ZSWIM6: variants seen among roughly 807,000 people sequenced by gnomAD.
The protein encoded by ZSWIM6 is zinc finger SWIM-type containing 6, also known as zinc finger SWIM domain-containing protein 6.
A neutral mutation model predicts 113.2 loss-of-function variants in ZSWIM6; 9 were observed. That is an observed-to-expected ratio of 0.08 (90% CI 0.05 to 0.14). The LOEUF (loss-of-function observed/expected upper bound fraction) is 0.14, where lower values mean the gene tolerates loss of function less well. ZSWIM6 is among the 10% of genes least tolerant of loss of function. The pLI, the probability that ZSWIM6 is intolerant of heterozygous loss-of-function variation, is 1.00. For missense variants in ZSWIM6, 1,162 were observed against 1,552.2 expected, an observed-to-expected ratio of 0.75 and a Z score of 4.22; for synonymous variants, 611 against 606.5, an observed-to-expected ratio of 1.01 and a Z score of -0.11.
At position 61,375,051 on chromosome 5, in the gene ZSWIM6, A is replaced by G. The variant is rs568330557; in HGVS notation, c.676+42103A>G. On this transcript the variant is annotated intron_variant, in intron 1 of 13. Coordinates refer to ENST00000252744, the MANE Select transcript of ZSWIM6 (RefSeq NM_020928.2). The stretch of plus-strand genomic sequence containing the variant: ...GTGGGACCAAGTCTATAAGATATTA[A>G]AGGGTAAGTCTCTCCGGCCCGGTTT... 3.4e-6 allele frequency: 5 copies of G among 1,461,760 alleles called. No individual in the cohort carries two copies. In the African/African-American group the frequency reaches 5.6e-5, roughly 16 times the overall value. 90.5% of individuals were successfully genotyped at this position (1,461,760 alleles called of 1,614,324 possible). A position where few individuals can be genotyped will look rare whatever the true frequency, so the allele number is the denominator to read the frequency against.
At chr5:61,395,528 A>C (rs891951433) in intron 1 of ZSWIM6, among the ~76,000 whole-genome samples, 1 of 152,240 alleles carries the variant, frequency 6.6e-6, no homozygotes, top group Non-Finnish European at 1.5e-5. Flanking sequence ...GGTTTAATTG[A>C]TTAAATGAGC....
chr5:61,540,552 T>A (rs1352137618), intron 12 of ZSWIM6, among the ~76,000 whole-genome samples: 2 of 152,120 alleles, frequency 1.3e-5, no homozygotes, highest in Non-Finnish European at 2.9e-5. Flanking sequence ...AATAATAGGA[T>A]CACAGGAAAA....
intron 1 of ZSWIM6, among the ~76,000 whole-genome samples, chr5:61,420,699 T>C (rs1157425348): frequency 6.6e-6 from 1 of 152,076 alleles, no homozygotes; most frequent in Non-Finnish European, 1.5e-5. Flanking sequence ...ACATAGTGAG[T>C]ATGTATATTT....
chr5:61,470,224 A>G (rs1747534651), intron 1 of ZSWIM6, among the ~76,000 whole-genome samples: 1 of 152,218 alleles, frequency 6.6e-6, no homozygotes. Flanking sequence ...GAGATGTGAT[A>G]GTGTTAAGTG....
intron 1 of ZSWIM6, among the ~76,000 whole-genome samples, chr5:61,437,424 TA>T (rs1403248151): frequency 2.0e-5 from 3 of 152,050 alleles, no homozygotes; most frequent in African/African-American, 7.2e-5. Flanking sequence ...TTAGACTATG[TA>T]AAAAAACAAA....
chr5:61,538,589 A>C (rs971822626), intron 10 of ZSWIM6, among the ~76,000 whole-genome samples: 1 of 152,242 alleles, frequency 6.6e-6, no homozygotes, highest in Admixed American at 6.5e-5. Context: ...TGAACAACTA[A>C]CAAGGTTTGG....
At chr5:61,503,499 A>T (rs541305758) in intron 4 of ZSWIM6, among the ~76,000 whole-genome samples, 32 of 152,328 alleles carry the variant, frequency 2.1e-4, no homozygotes, top group African/African-American at 7.2e-4. Flanking sequence ...GAAGTGGCTT[A>T]GATTGGAAGC....
chr5:61,529,785 G>A (rs1230465254), intron 7 of ZSWIM6, among the ~76,000 whole-genome samples: 3 of 152,190 alleles, frequency 2.0e-5, no homozygotes, highest in African/African-American at 7.2e-5. Flanking sequence ...CTAGACACAT[G>A]AATTAAATAG....
At chr5:61,455,770 G>A (rs1419962659) in intron 1 of ZSWIM6, among the ~76,000 whole-genome samples, 1 of 152,028 alleles carries the variant, frequency 6.6e-6, no homozygotes, top group East Asian at 1.9e-4. Flanking sequence ...TTAAGCAAGT[G>A]TTAAGTTAGA....
At chr5:61,382,385 TAG>T (rs1745503618) in intron 1 of ZSWIM6, among the ~76,000 whole-genome samples, 1 of 152,244 alleles carries the variant, frequency 6.6e-6, no homozygotes, top group Non-Finnish European at 1.5e-5. Flanking sequence ...GGGACTCACC[TAG>T]AGTTACATAG....
Position 61,526,392 on chromosome 5 carries a change from A to T in ZSWIM6, c.1833A>T (p.Lys611Asn), listed in dbSNP as rs1322815885. Reference sequence around the variant, plus strand: ...AGTTGGAAATGTTCCGAACCCAAAAAAAAGGTGAATGTGAAGGAGTTTGTT... The same window carrying T: ...AGTTGGAAATGTTCCGAACCCAAAATAAAGGTGAATGTGAAGGAGTTTGTT... ...QKQLEMFRTQ[K>N]KELPHKNITS... is the part of the protein sequence containing the mutation. The change falls in exon 7 of 14, where the codon AAA becomes AAT. Residue 611 changes from lysine (K) to asparagine (N), a missense_variant. This residue lies in a region of ZSWIM6 where 620 missense variants were observed against 804.6 expected (regional missense o/e 0.77). Coordinates refer to ENST00000252744, the MANE Select transcript of ZSWIM6 (RefSeq NM_020928.2). 8 of 1,552,058 alleles carry T rather than the reference A, an allele frequency of 5.2e-6. No homozygotes were observed. The highest frequency in any genetic ancestry group is 7.0e-6 in the Non-Finnish European group (8 of 1,147,008).
At chr5:61,532,993 T>C (rs1749480956) in intron 9 of ZSWIM6, among the ~76,000 whole-genome samples, 1 of 152,238 alleles carries the variant, frequency 6.6e-6, no homozygotes, top group African/African-American at 2.4e-5. Context: ...AGAAGATCTG[T>C]GATTTTCAAA....
intron 7 of ZSWIM6, among the ~76,000 whole-genome samples, chr5:61,527,010 C>A (rs1262413050): frequency 6.6e-6 from 1 of 152,162 alleles, no homozygotes; most frequent in Admixed American, 6.5e-5. Context: ...CTTAAAGTGA[C>A]CAGAATAGAA....
chr5:61,502,295 G>GCTTT (rs1748491537), intron 4 of ZSWIM6, among the ~76,000 whole-genome samples: 1 of 152,158 alleles, frequency 6.6e-6, no homozygotes, highest in Non-Finnish European at 1.5e-5. Context: ...CAAGCAAGGT[G>GCTTT]CTTTATACAT....
At chr5:61,347,620 A>C (rs1230305809) in intron 1 of ZSWIM6, 1 of 152,434 alleles carries the variant, frequency 6.6e-6, no homozygotes, top group Non-Finnish European at 1.5e-5. Context: ...TTATTGAAGC[A>C]AATAAGCTGT....
chr5:61,500,093 C>G (rs887796719), intron 4 of ZSWIM6, among the ~76,000 whole-genome samples: 12 of 128,670 alleles, frequency 9.3e-5, no homozygotes, highest in African/African-American at 1.5e-4. Flanking sequence ...TAGACAATGT[C>G]CTCAGCTTTA....
chr5:61,332,283 G>C lies in ZSWIM6; in HGVS notation c.11G>C (p.Arg4Pro). Residue 4 changes from arginine to proline, a missense_variant, in exon 1 of 14, where the codon CGC becomes CCC. Coordinates refer to ENST00000252744, the MANE Select transcript of ZSWIM6 (RefSeq NM_020928.2). ...AGAAGCGGCGCGGTCATGGCGGAGC[G>C]CGGACAGCAGCCTCCTCCCGCGAAA... MAE[R>P]GQQPPPAKRL... 3.4e-6 allele frequency: 4 copies of C among 1,165,824 alleles called. No individual in the cohort carries two copies. The highest frequency in any genetic ancestry group is 4.2e-6 in the Non-Finnish European group (4 of 944,088). 72.2% of individuals were successfully genotyped at this position (1,165,824 alleles called of 1,614,324 possible). A position where few individuals can be genotyped will look rare whatever the true frequency, so the allele number is the denominator to read the frequency against.
intron 1 of ZSWIM6, among the ~76,000 whole-genome samples, chr5:61,382,540 A>G (rs111743420): frequency 0.033 from 4,962 of 152,282 alleles, 255 homozygotes; most frequent in African/African-American, 0.11. Flanking sequence ...GCAGTGGCTC[A>G]TGCCCATAAT....
Position 61,538,394 on chromosome 5 carries a change from T to C in ZSWIM6, c.2382-420T>C, listed in dbSNP as rs1749639244. 2.0e-5 allele frequency among the ~76,000 whole-genome samples: 3 copies of C among 152,362 alleles called. No homozygotes were observed. The South Asian group carries it at 6.2e-4, about 32-fold the overall frequency. ...CACTGCTTCCTGACTGTGATCTCAG[T>C]CTTAAATATCCATTTCACTATCAGT... On this transcript the variant is annotated intron_variant, in intron 10 of 13. Coordinates refer to ENST00000252744, the MANE Select transcript of ZSWIM6 (RefSeq NM_020928.2).
Sources: allele counts gnomAD v4.1 joint callset (sites outside exome capture counted in the v4.1 genomes callset), GRCh38; gene constraint gnomAD v4.1.1; regional missense constraint gnomAD v4.1.1; transcripts MANE v1.5; gene names NCBI Gene and HGNC (gene_info 2026-07-23, HGNC 2026-07-21).